The following RASA1 variants were observed in gnomAD, a reference collection of about 807,000 sequenced individuals.
The protein encoded by RASA1 is ras GTPase-activating protein 1.
A neutral mutation model predicts 132.2 loss-of-function variants in RASA1; 25 were observed. That is an observed-to-expected ratio of 0.19 (90% CI 0.14 to 0.26). RASA1 has a LOEUF of 0.26. Among genes scored for constraint, RASA1 ranks in the 10% least tolerant of loss-of-function variants. The pLI is 1.00. For missense variants in RASA1, 964 were observed against 1,299.2 expected (o/e 0.74, Z 3.97); for synonymous variants, 477 against 449.9 (o/e 1.06, Z -0.76).
chr5:87,295,217 A>G (rs1755067344), intron 1 of RASA1, among the ~76,000 whole-genome samples: 1 of 151,942 alleles, frequency 6.6e-6, no homozygotes, highest in Non-Finnish European at 1.5e-5. Flanking sequence ...TTTGCTTTTA[A>G]TCTGTATGTG....
rs144536219 is a variant in RASA1, at chr5:87,304,762, C to T, written c.540-26586C>T. 1.8e-4 allele frequency among the ~76,000 whole-genome samples: 27 copies of T among 152,226 alleles called. No individual in the cohort carries two copies. The East Asian group carries it at 4.0e-3, about 23-fold the overall frequency. Reference sequence around the variant, plus strand: ...GGATTGTAGGCATTAGCCATCGTGCCGGCCTATTGTACACATTTTAATATT... The same window carrying T: ...GGATTGTAGGCATTAGCCATCGTGCTGGCCTATTGTACACATTTTAATATT... On this transcript the variant is annotated intron_variant, in intron 1 of 24. Coordinates refer to ENST00000274376, the MANE Select transcript of RASA1 (RefSeq NM_002890.3).
intron 1 of RASA1, among the ~76,000 whole-genome samples, chr5:87,311,120 C>T (rs1388045014): frequency 1.3e-5 from 2 of 152,130 alleles, no homozygotes; most frequent in East Asian, 1.9e-4. Flanking sequence ...ATTATTGAGT[C>T]GATATCTGAA....
At chr5:87,341,448 G>C (rs1235544044) in intron 6 of RASA1, 127 bp downstream of exon 6, 3 of 479,344 alleles carry the variant, frequency 6.3e-6, no homozygotes, top group South Asian at 1.0e-4. Flanking sequence ...ATTTGGCTTA[G>C]GGAACTGATT....
chr5:87,367,115 T>C (rs936467283), intron 11 of RASA1, among the ~76,000 whole-genome samples: 1 of 152,216 alleles, frequency 6.6e-6, no homozygotes, highest in African/African-American at 2.4e-5. Context: ...TTAAAGTGCC[T>C]TCCTGTGAAA....
At chr5:87,288,639 G>A (rs1307396886) in intron 1 of RASA1, among the ~76,000 whole-genome samples, 2 of 152,088 alleles carry the variant, frequency 1.3e-5, no homozygotes, top group Non-Finnish European at 2.9e-5. Context: ...TTTAGCCCAA[G>A]GATGGAATCT....
intron 1 of RASA1, among the ~76,000 whole-genome samples, chr5:87,306,747 A>G (rs1049367788): frequency 1.3e-5 from 2 of 151,710 alleles, no homozygotes; most frequent in Admixed American, 6.6e-5. Context: ...TTGCCTTAAC[A>G]TTTTTCATTG....
At chr5:87,278,638 A>G (rs1754174174) in intron 1 of RASA1, among the ~76,000 whole-genome samples, 1 of 152,196 alleles carries the variant, frequency 6.6e-6, no homozygotes. Flanking sequence ...ATAGTGCAGT[A>G]TCAAAACCAG....
At chr5:87,315,899 C>G (rs1756293567) in intron 1 of RASA1, among the ~76,000 whole-genome samples, 1 of 151,932 alleles carries the variant, frequency 6.6e-6, no homozygotes, top group African/African-American at 2.4e-5. Context: ...TAGGCTGATT[C>G]TTTTTTCTAA....
chr5:87,358,327 C>A (rs950612131), intron 9 of RASA1, among the ~76,000 whole-genome samples: 1 of 152,282 alleles, frequency 6.6e-6, no homozygotes, highest in South Asian at 2.1e-4. Flanking sequence ...GTTTTTTATA[C>A]ATATTCATTC....
At chr5:87,282,296 T>C (rs921869118) in intron 1 of RASA1, among the ~76,000 whole-genome samples, 5 of 152,230 alleles carry the variant, frequency 3.3e-5, no homozygotes, top group African/African-American at 1.2e-4. Context: ...GTAAATGTCA[T>C]TATTTCACCA....
At chr5:87,271,275 A>G (rs1372573742) in intron 1 of RASA1, among the ~76,000 whole-genome samples, 1 of 151,882 alleles carries the variant, frequency 6.6e-6, no homozygotes, top group Non-Finnish European at 1.5e-5. Flanking sequence ...ATATTACAGC[A>G]CTGCTTTTGA....
chr5:87,291,417 G>C (rs1160352031), intron 1 of RASA1, among the ~76,000 whole-genome samples: 1 of 152,138 alleles, frequency 6.6e-6, no homozygotes, highest in Non-Finnish European at 1.5e-5. Flanking sequence ...TGTGGTTCCA[G>C]CTACTCAGGA....
chr5:87,284,795 A>T (rs1328039896), intron 1 of RASA1, among the ~76,000 whole-genome samples: 1 of 152,144 alleles, frequency 6.6e-6, no homozygotes, highest in Non-Finnish European at 1.5e-5. Context: ...ACAGGAAATC[A>T]TATCCTCTAG....
At chr5:87,353,334 C>A in intron 9 of RASA1, 99 bp downstream of exon 9, 1 of 907,014 alleles carries the variant, frequency 1.1e-6, no homozygotes, top group Non-Finnish European at 1.8e-6. Context: ...AAATTGGATA[C>A]AACTTAAAAC....
At position 87,366,322 on chromosome 5, in the gene RASA1, C is replaced by T. The variant is rs752763749; in HGVS notation, c.1610+2818C>T. 3 of 383,156 alleles carry T rather than the reference C, an allele frequency of 7.8e-6. 1 individual carries two copies. The highest frequency in any genetic ancestry group is 3.9e-5 in the South Asian group (2 of 51,772). The allele number at this position is 383,156 out of a possible 1,614,324, so 23.7% of individuals were successfully genotyped here. A position where few individuals can be genotyped will look rare whatever the true frequency, so the allele number is the denominator to read the frequency against. ...CTGTAAGATTGAAGAAAAGCTTTAG[C>T]ATTATTTTGATATAGTTTATATGAA... On this transcript the variant is annotated intron_variant, in intron 11 of 24. Transcript: ENST00000274376.
At chr5:87,284,950 A>G (rs977990898) in intron 1 of RASA1, among the ~76,000 whole-genome samples, 4 of 152,068 alleles carry the variant, frequency 2.6e-5, no homozygotes, top group African/African-American at 9.7e-5. Context: ...TAAGAACCTT[A>G]TCTATGTGAT....
intron 19 of RASA1, among the ~76,000 whole-genome samples, chr5:87,380,278 A>T (rs1761617703): frequency 6.6e-6 from 1 of 152,166 alleles, no homozygotes; most frequent in African/African-American, 2.4e-5. Context: ...GGTTCTCTAT[A>T]TCTGAAAGTA....
intron 16 of RASA1, 86 bp from the exon 17 acceptor site, chr5:87,376,795 T>A: frequency 7.2e-7 from 1 of 1,381,732 alleles, no homozygotes; most frequent in Non-Finnish European, 1.0e-6. Context: ...TATAAGAACT[T>A]GTGAAAGAAC....
chr5:87,300,170 G>T (rs1561265084), intron 1 of RASA1, among the ~76,000 whole-genome samples: 1 of 152,080 alleles, frequency 6.6e-6, no homozygotes, highest in Non-Finnish European at 1.5e-5. Context: ...GGGAGTTAGA[G>T]ACCAAACCGA....
Sources: allele counts gnomAD v4.1 joint callset (sites outside exome capture counted in the v4.1 genomes callset), GRCh38; gene constraint gnomAD v4.1.1; transcripts MANE v1.5; gene names NCBI Gene and HGNC (gene_info 2026-07-23, HGNC 2026-07-21).